The following L3MBTL3 variants were observed in gnomAD, a reference collection of about 807,000 sequenced individuals.
L3MBTL3 encodes the protein L3MBTL histone methyl-lysine binding protein 3, also known as lethal(3)malignant brain tumor-like protein 3.
Under a neutral mutation model 102.3 loss-of-function variants are expected in L3MBTL3, and 27 were observed. The ratio of observed to expected loss-of-function variants is 0.26; its 90% CI spans 0.19 to 0.36. L3MBTL3 has a LOEUF of 0.36. L3MBTL3 is among the 10% of genes least tolerant of loss of function. The pLI is 1.00. For synonymous variants in L3MBTL3, 340 were observed against 320.9 expected, an observed-to-expected ratio of 1.06 and a Z score of -0.64; for missense variants, 798 against 955.3, an observed-to-expected ratio of 0.84 and a Z score of 2.17.
intron 13 of L3MBTL3, among the ~76,000 whole-genome samples, chr6:130,073,276 A>G (rs924975174): frequency 1.3e-5 from 2 of 152,140 alleles, no homozygotes; most frequent in African/African-American, 4.8e-5. Flanking sequence ...AAGATTTTCT[A>G]TACATATTTT....
intron 17 of L3MBTL3, 60 bp downstream of exon 17, chr6:130,092,919 T>C: frequency 9.4e-7 from 1 of 1,061,668 alleles, no homozygotes; most frequent in Non-Finnish European, 1.5e-6. Context: ...ATTCTTAAGA[T>C]TTCATCCTTA....
At chr6:130,065,697 T>G (rs1782200862) in intron 10 of L3MBTL3, among the ~76,000 whole-genome samples, 1 of 152,148 alleles carries the variant, frequency 6.6e-6, no homozygotes, top group African/African-American at 2.4e-5. Flanking sequence ...TCTCTAAGAA[T>G]CCAGGGCAGG....
chr6:130,035,378 A>G (rs1779992581), intron 2 of L3MBTL3, among the ~76,000 whole-genome samples: 2 of 152,174 alleles, frequency 1.3e-5, no homozygotes, highest in Admixed American at 1.3e-4. Flanking sequence ...AGAATATCTC[A>G]AGGGAGAGTC....
intron 5 of L3MBTL3, 70 bp from the exon 6 acceptor site, chr6:130,051,179 A>C: frequency 1.5e-6 from 2 of 1,309,452 alleles, no homozygotes; most frequent in Non-Finnish European, 2.1e-6. Context: ...ATTAGAAGAA[A>C]AAGTTTGATT....
Position 130,083,719 on chromosome 6 carries a change from T to C in L3MBTL3, c.1407+14T>C. 1.5e-6 allele frequency: 2 copies of C among 1,356,790 alleles called. No individual in the cohort carries two copies. Among genetic ancestry groups the C allele is most frequent in the Non-Finnish European group, 2.1e-6 (2 of 966,470 alleles). 84.0% of individuals were successfully genotyped at this position (1,356,790 alleles called of 1,614,324 possible). A position where few individuals can be genotyped will look rare whatever the true frequency, so the allele number is the denominator to read the frequency against. On this transcript the variant is annotated intron_variant, in intron 15 of 22. Coordinates refer to ENST00000361794, the MANE Select transcript of L3MBTL3 (RefSeq NM_032438.4). Reference sequence around the variant, plus strand: ...GCTTTCAAAGTGGTAAGATGATACATTTTATTAATTTGCGTGGATGAGATC... The same window carrying C: ...GCTTTCAAAGTGGTAAGATGATACACTTTATTAATTTGCGTGGATGAGATC...
intron 2 of L3MBTL3, among the ~76,000 whole-genome samples, chr6:130,040,024 T>G (rs187462229): frequency 1.1e-4 from 17 of 152,296 alleles, no homozygotes; most frequent in African/African-American, 3.8e-4. Flanking sequence ...AATCATAATC[T>G]GTTACATTAA....
At chr6:130,058,734 A>G (rs554192960) in intron 9 of L3MBTL3, among the ~76,000 whole-genome samples, 3 of 152,334 alleles carry the variant, frequency 2.0e-5, no homozygotes, top group Admixed American at 1.3e-4. Flanking sequence ...GCCATAGAGA[A>G]TAGGTAGACA....
chr6:130,065,947 G>A (rs1238820525), intron 10 of L3MBTL3, among the ~76,000 whole-genome samples: 1 of 152,170 alleles, frequency 6.6e-6, no homozygotes, highest in East Asian at 1.9e-4. Flanking sequence ...GCTGTGGTCT[G>A]CAGCCTTCAG....
intron 10 of L3MBTL3, among the ~76,000 whole-genome samples, chr6:130,061,933 G>A (rs1781924444): frequency 2.0e-5 from 3 of 152,166 alleles, no homozygotes; most frequent in Non-Finnish European, 4.4e-5. Context: ...AGTGTCAGAT[G>A]CTGTGGTTGT....
chr6:130,118,827 G>T (rs1425592975), intron 19 of L3MBTL3, among the ~76,000 whole-genome samples: 1 of 152,128 alleles, frequency 6.6e-6, no homozygotes, highest in African/African-American at 2.4e-5. Context: ...TTTGGGATAG[G>T]TTATGTCAGA....
chr6:130,032,934 C>A (rs965019236), intron 2 of L3MBTL3, among the ~76,000 whole-genome samples: 3 of 152,038 alleles, frequency 2.0e-5, no homozygotes, highest in African/African-American at 4.8e-5. Context: ...TTGAGGCTGC[C>A]GTGATCCATG....
intron 2 of L3MBTL3, among the ~76,000 whole-genome samples, chr6:130,024,674 C>T (rs186263700): frequency 6.6e-6 from 1 of 152,208 alleles, no homozygotes; most frequent in Non-Finnish European, 1.5e-5. Flanking sequence ...GGATGGATAA[C>T]TTGAGTGATC....
intron 14 of L3MBTL3, among the ~76,000 whole-genome samples, chr6:130,082,090 A>G (rs1028644967): frequency 2.6e-4 from 40 of 152,334 alleles, no homozygotes; most frequent in Non-Finnish European, 2.2e-4. Context: ...CAGGTGGCTC[A>G]TCATGTCAGT....
chr6:130,134,793 A>T (rs1344066795), intron 22 of L3MBTL3, among the ~76,000 whole-genome samples: 2 of 152,340 alleles, frequency 1.3e-5, no homozygotes, highest in South Asian at 4.1e-4. Context: ...TAAGAACAGC[A>T]CACTTTCCAT....
At chr6:130,053,276 T>A (rs1781222325) in intron 7 of L3MBTL3, among the ~76,000 whole-genome samples, 1 of 152,208 alleles carries the variant, frequency 6.6e-6, no homozygotes, top group African/African-American at 2.4e-5. Context: ...TGTAGATGAA[T>A]CTTAAATTCC....
Position 130,133,429 on chromosome 6 carries a change from T to A in L3MBTL3, c.1967-23T>A. On this transcript the variant is annotated intron_variant, in intron 20 of 22. Coordinates refer to ENST00000361794, the MANE Select transcript of L3MBTL3 (RefSeq NM_032438.4). The surrounding 1 kb of genome is among the most constrained non-coding windows in gnomAD (Gnocchi z 4.9). ...TTCTTGCTGCTTTCAGAGAGTGATT[T>A]CCCATTTGTTTTCATTGACCAGGTG... 1 of 1,610,550 alleles carries A rather than the reference T, an allele frequency of 6.2e-7. No individual in the cohort carries two copies. Among genetic ancestry groups the A allele is most frequent in the Non-Finnish European group, 8.5e-7 (1 of 1,177,900 alleles).
At chr6:130,074,795 CT>C (rs1457228533) in intron 13 of L3MBTL3, among the ~76,000 whole-genome samples, 1 of 152,160 alleles carries the variant, frequency 6.6e-6, no homozygotes, top group Non-Finnish European at 1.5e-5. Context: ...TTCCATTGTA[CT>C]TTGGTGTCCC....
chr6:130,121,659 C>T (rs1786218417), intron 20 of L3MBTL3, among the ~76,000 whole-genome samples: 1 of 151,734 alleles, frequency 6.6e-6, no homozygotes, highest in South Asian at 2.1e-4. Flanking sequence ...GTTTAAAACG[C>T]AATTCAGAAT....
chr6:130,060,590 T>A (rs1378497616), intron 10 of L3MBTL3, among the ~76,000 whole-genome samples: 1 of 151,822 alleles, frequency 6.6e-6, no homozygotes, highest in African/African-American at 2.4e-5. Context: ...TTAAAAACTG[T>A]GACCACACAG....
Sources: gnomAD v4.1 joint callset for allele counts (sites outside exome capture counted in the v4.1 genomes callset) on GRCh38, gnomAD v4.1.1 for gene constraint, Gnocchi (gnomAD v3.1) non-coding constraint, MANE v1.5 for transcripts, NCBI Gene and HGNC (gene_info 2026-07-23, HGNC 2026-07-21) for gene names.